Variants in RALYL observed in about 807,000 individuals in gnomAD.
The protein encoded by RALYL is RALY RNA binding protein like.
In RALYL, 29 loss-of-function variants were observed where a neutral mutation model predicts 35.1. That is an observed-to-expected ratio of 0.83 (90% CI 0.61 to 1.13). The LOEUF (loss-of-function observed/expected upper bound fraction) is 1.13. RALYL is among the 50% of genes most tolerant of loss of function. The pLI, the probability that RALYL is intolerant of heterozygous loss-of-function variation, is 0.00. For missense variants in RALYL, 359 were observed against 360.4 expected, an observed-to-expected ratio of 1.00 and a Z score of 0.03; for synonymous variants, 120 against 127.6, an observed-to-expected ratio of 0.94 and a Z score of 0.40.
intron 2 of RALYL, among the ~76,000 whole-genome samples, chr8:84,736,739 T>G (rs1847380872): frequency 6.6e-6 from 1 of 152,080 alleles, no homozygotes; most frequent in Non-Finnish European, 1.5e-5. Context: ...CAACCACTTC[T>G]TATTGTATTC....
chr8:84,570,849 A>G (rs547824783), intron 2 of RALYL, among the ~76,000 whole-genome samples: 4 of 151,186 alleles, frequency 2.6e-5, no homozygotes, highest in Admixed American at 6.6e-5. Context: ...ATGATTATAT[A>G]TATATTTAAT....
chr8:84,545,917 A>C (rs1450908722), intron 2 of RALYL, among the ~76,000 whole-genome samples: 1 of 152,156 alleles, frequency 6.6e-6, no homozygotes, highest in African/African-American at 2.4e-5. Context: ...TTCCTTGTCA[A>C]ACTGTATTAA....
chr8:84,651,127 T>C (rs931829224), intron 2 of RALYL, among the ~76,000 whole-genome samples: 17 of 152,006 alleles, frequency 1.1e-4, no homozygotes, highest in Admixed American at 3.3e-4. Context: ...TGCTAAATGA[T>C]GAGTTAATGG....
chr8:84,680,479 T>C (rs1835212200), intron 2 of RALYL, among the ~76,000 whole-genome samples: 1 of 152,172 alleles, frequency 6.6e-6, no homozygotes, highest in Non-Finnish European at 1.5e-5. Flanking sequence ...TTTAAAAGTG[T>C]TCCTATTTCT....
chr8:84,638,469 C>A (rs1825528943), intron 2 of RALYL, among the ~76,000 whole-genome samples: 1 of 151,252 alleles, frequency 6.6e-6, no homozygotes, highest in African/African-American at 2.4e-5. Context: ...CAGAGAAGAA[C>A]CAAATGAAAT....
intron 1 of RALYL, among the ~76,000 whole-genome samples, chr8:84,298,584 C>T (rs1377502159): frequency 6.6e-6 from 1 of 152,000 alleles, no homozygotes. Flanking sequence ...TTTTCTAATT[C>T]AGTGAAAAAT....
At chr8:84,414,057 T>A (rs2044369119) in intron 1 of RALYL, among the ~76,000 whole-genome samples, 1 of 152,150 alleles carries the variant, frequency 6.6e-6, no homozygotes, top group Non-Finnish European at 1.5e-5. Flanking sequence ...AAAGTGCATA[T>A]TTAAGCTAAA....
intron 2 of RALYL, among the ~76,000 whole-genome samples, chr8:84,588,755 AG>A (rs2130458393): frequency 6.6e-6 from 1 of 152,380 alleles, no homozygotes; most frequent in African/African-American, 2.4e-5. Flanking sequence ...CCAGAACCAC[AG>A]CCAGACCTCA....
chr8:84,427,612 C>A (rs1177598799), intron 1 of RALYL, among the ~76,000 whole-genome samples: 1 of 152,136 alleles, frequency 6.6e-6, no homozygotes, highest in Non-Finnish European at 1.5e-5. Context: ...CATCCTGTGC[C>A]TTAGCCATAT....
At chr8:84,444,895 T>C (rs559319703) in intron 1 of RALYL, among the ~76,000 whole-genome samples, 1 of 152,234 alleles carries the variant, frequency 6.6e-6, no homozygotes, top group African/African-American at 2.4e-5. Context: ...ATGGCTGATG[T>C]ATGCTATTCT....
chr8:84,831,389 T>C (rs1251250427), intron 4 of RALYL, among the ~76,000 whole-genome samples: 3 of 151,370 alleles, frequency 2.0e-5, no homozygotes, highest in Non-Finnish European at 4.4e-5. Flanking sequence ...TCATTTTGTA[T>C]GTGTGAAGAT....
At chr8:84,705,900 CTG>C (rs1841119832) in intron 2 of RALYL, 5 of 1,477,016 alleles carry the variant, frequency 3.4e-6, no homozygotes, top group Non-Finnish European at 3.6e-6. Flanking sequence ...CTGGCTTTCA[CTG>C]TGTGATTGCT....
At chr8:84,752,789 A>C (rs921075745) in intron 2 of RALYL, among the ~76,000 whole-genome samples, 2 of 152,210 alleles carry the variant, frequency 1.3e-5, no homozygotes, top group African/African-American at 2.4e-5. Context: ...ATGGAATATA[A>C]AAGTTGAAAC....
At chr8:84,499,091 CT>C (rs11338367) in intron 1 of RALYL, among the ~76,000 whole-genome samples, 80,214 of 143,608 alleles carry the variant, frequency 0.56, 22,054 homozygotes, top group African/African-American at 0.66. Context: ...CATCTGTTTT[CT>C]TTTTTTTTTT....
intron 1 of RALYL, among the ~76,000 whole-genome samples, chr8:84,366,506 G>A (rs147446955): frequency 4.9e-4 from 75 of 152,156 alleles, no homozygotes; most frequent in Non-Finnish European, 9.6e-4. Context: ...GGCCGAGTGC[G>A]GTGGCCACGC....
chr8:84,803,496 C>CAGTT (rs1202406800), intron 3 of RALYL, among the ~76,000 whole-genome samples: 1 of 152,132 alleles, frequency 6.6e-6, no homozygotes. Flanking sequence ...AATGTACCTA[C>CAGTT]AGTTAGAGAT....
chr8:84,584,131 G>A (rs887829815), intron 2 of RALYL, among the ~76,000 whole-genome samples: 1 of 151,816 alleles, frequency 6.6e-6, no homozygotes. Context: ...AGTTATTTTT[G>A]AATGTACAAT....
At chr8:84,489,421 A>T (rs554957010) in intron 1 of RALYL, among the ~76,000 whole-genome samples, 25 of 152,202 alleles carry the variant, frequency 1.6e-4, no homozygotes, top group African/African-American at 6.0e-4. Context: ...TGAATACCGT[A>T]TATGAAATTC....
chr8:84,210,843 T>G (rs1239253654), intron 1 of RALYL, among the ~76,000 whole-genome samples: 1 of 151,690 alleles, frequency 6.6e-6, no homozygotes, highest in Non-Finnish European at 1.5e-5. Flanking sequence ...TCATTTAGCA[T>G]CAGTGTCATG....
Sources: allele counts gnomAD v4.1 joint callset (sites outside exome capture counted in the v4.1 genomes callset), GRCh38; gene constraint gnomAD v4.1.1; transcripts MANE v1.5; gene names NCBI Gene and HGNC (gene_info 2026-07-23, HGNC 2026-07-21).